BCL2L10: variants seen among roughly 807,000 people sequenced by gnomAD.
The protein encoded by BCL2L10 is bcl-2-like protein 10.
In BCL2L10, 14 loss-of-function variants were observed where a neutral mutation model predicts 11.1. The ratio of observed to expected loss-of-function variants is 1.26; its 90% confidence interval spans 0.83 to 1.96. The LOEUF is 1.96. BCL2L10 is among the 30% of genes most tolerant of loss of function. The pLI is 0.00. For synonymous variants in BCL2L10, 154 were observed against 133.4 expected, an observed-to-expected ratio of 1.15 and a Z score of -1.07; for missense variants, 309 against 273.9, an observed-to-expected ratio of 1.13 and a Z score of -0.90.
intron 1 of BCL2L10, 95 bp downstream of exon 1, chr15:52,112,143 G>T: frequency 7.2e-7 from 1 of 1,392,792 alleles, no homozygotes; most frequent in South Asian, 1.6e-5. Context: ...CTCGTTCCAG[G>T]GGCCTGGCGC....
At chr15:52,111,184 AC>A (rs2033049680) in intron 1 of BCL2L10, among the ~76,000 whole-genome samples, 1 of 146,840 alleles carries the variant, frequency 6.8e-6, no homozygotes, top group Non-Finnish European at 1.5e-5. Flanking sequence ...ACACACACAC[AC>A]ACACACACAC....
rs1340914881 is a variant in BCL2L10, at chr15:52,112,437, ACT to A, written c.288_289del (p.Arg96SerfsTer123). ...CCCTGCGAAGGTCACGAGCGTCACC[ACT>A]CTGCCCCAGGTGGGGCCGGGGCTGT... On this transcript the variant is annotated frameshift_variant, in exon 1 of 2. Transcript: ENST00000260442. LOFTEE classifies it high-confidence loss of function. 1.9e-6 allele frequency: 3 copies of A among 1,605,896 alleles called. No individual in the cohort carries two copies. The East Asian group carries it at 6.7e-5, about 36-fold the overall frequency.
chr15:52,112,680 C>G lies in BCL2L10; in HGVS notation c.47G>C (p.Arg16Pro). 1 of 1,540,638 alleles carries G rather than the reference C, an allele frequency of 6.5e-7. No homozygotes were observed. Among genetic ancestry groups the G allele is most frequent in the Non-Finnish European group, 8.7e-7 (1 of 1,149,574 alleles). The change falls in exon 1 of 2, where the codon CGG (arginine) becomes CCG (proline). Residue 16 changes from arginine to proline, a missense_variant. By Grantham distance (103) the Arg-to-Pro change is moderately radical. Transcript: ENST00000260442. ...GGCCAGCAACAGCTCGGTGCGCTCC[C>G]GCAGCGGGTCGGCCATGGTGGTGCG... ...RERTTMADPL[R>P]ERTELLLADY...
chr15:52,111,488 T>C (rs918839976), intron 1 of BCL2L10, among the ~76,000 whole-genome samples: 11 of 152,162 alleles, frequency 7.2e-5, no homozygotes, highest in Non-Finnish European at 1.3e-4. Context: ...ACTTCAGTCA[T>C]TGAATCAACG....
In BCL2L10 at chr15:52,112,300, C is replaced by A; in HGVS notation, c.427G>T (p.Ala143Ser). 1 of 1,566,898 alleles carries A rather than the reference C, an allele frequency of 6.4e-7. No homozygotes were observed. The highest frequency in any genetic ancestry group is 8.6e-7 in the Non-Finnish European group (1 of 1,163,652). ...DVARDCQRLV[A>S]LLSSRLMGQH... Reference sequence around the variant, plus strand: ...CCCATGAGCCGCGAGCTCAGCAAGGCCACCAGGCGCTGGCAGTCCCGGGCG... The same window carrying A: ...CCCATGAGCCGCGAGCTCAGCAAGGACACCAGGCGCTGGCAGTCCCGGGCG... Residue 143 changes from alanine to serine, a missense_variant, in exon 1 of 2, where the codon GCC (alanine) becomes TCC (serine). By Grantham distance (99) the Ala-to-Ser change is moderately conservative (BLOSUM62 1). Coordinates refer to ENST00000260442, the MANE Select transcript of BCL2L10 (RefSeq NM_020396.4).
chr15:52,112,273 G>A lies in BCL2L10; in HGVS notation c.454C>T (p.Gln152Ter), dbSNP rs1596040499. Residue 152 changes from glutamine to a stop codon, truncating the protein, a stop_gained, in exon 1 of 2, where the codon CAG becomes TAG. Coordinates refer to ENST00000260442, the MANE Select transcript of BCL2L10 (RefSeq NM_020396.4). LOFTEE classifies it low-confidence loss of function (END_TRUNC). ...TGAGCCTGCAGCCAGGCGCGGTGCT[G>A]CCCCATGAGCCGCGAGCTCAGCAAG... is the stretch of plus-strand genomic sequence containing the variant. ...VALLSSRLMG[Q>*]HRAWLQAQGG... 2 of 1,542,534 alleles carry A rather than the reference G, an allele frequency of 1.3e-6. No individual in the cohort carries two copies. The highest frequency in any genetic ancestry group is 1.9e-5 in the Admixed American group (1 of 52,254).
In BCL2L10 at chr15:52,112,325, G is replaced by T. The variant is rs1245760210; in HGVS notation, c.402C>A (p.Val134=). The change falls in exon 1 of 2, where the codon GTC becomes GTA. Residue 134 remains valine (V), a synonymous_variant. Transcript: ENST00000260442. ...CCACCAGGCGCTGGCAGTCCCGGGC[G>T]ACGTCGCCCTCCTGCTCCTTTAGCC... ...QPRLKEQEGD[V]ARDCQRLVAL... is the part of the protein sequence containing the mutation. 1.3e-6 allele frequency: 2 copies of T among 1,585,962 alleles called. No homozygotes were observed. The highest frequency in any genetic ancestry group is 2.3e-5 in the East Asian group (1 of 43,414).
rs749549892 is a variant in BCL2L10 at position 52,109,912 on chromosome 15, AC to A, written c.550del (p.Val184SerfsTer9). ...TAACAAGCATGACAGAAAAGCCTGG[AC>A]CAGCTGTTTTCTCCAAAAAGCCAGT... ...FPLAFWRKQL[V>X]QAFLSCLLTT... On this transcript the variant is annotated frameshift_variant, in exon 2 of 2. Transcript: ENST00000260442. LOFTEE classifies it low-confidence loss of function (END_TRUNC). 3 of 1,613,794 alleles carry A rather than the reference AC, an allele frequency of 1.9e-6. No homozygotes were observed. In the Admixed American group the frequency reaches 5.0e-5, roughly 27 times the overall value.
chr15:52,111,995 C>A (rs1347876679), intron 1 of BCL2L10, among the ~76,000 whole-genome samples: 1 of 152,234 alleles, frequency 6.6e-6, no homozygotes, highest in East Asian at 1.9e-4. Flanking sequence ...CCTAAGCCTG[C>A]GCAGCTGCTT....
chr15:52,109,884 T>C lies in BCL2L10; in HGVS notation c.579A>G (p.Thr193=). Reference sequence around the variant, plus strand: ...GTGTCCAGAGATAAATGAAGGCTGTTGTTAACAAGCATGACAGAAAAGCCT... The same window carrying C: ...GTGTCCAGAGATAAATGAAGGCTGTCGTTAACAAGCATGACAGAAAAGCCT... ...LVQAFLSCLL[T]TAFIYLWTRL... is the part of the protein sequence containing the mutation. Residue 193 remains threonine (T), a synonymous_variant, in exon 2 of 2, where the codon ACA becomes ACG. Transcript: ENST00000260442. 6.2e-7 allele frequency: 1 copy of C among 1,613,988 alleles called. No homozygotes were observed. Among genetic ancestry groups the C allele is most frequent in the Non-Finnish European group, 8.5e-7 (1 of 1,179,902 alleles).
intron 1 of BCL2L10, among the ~76,000 whole-genome samples, chr15:52,110,366 T>C (rs753032759): frequency 1.3e-5 from 2 of 152,100 alleles, no homozygotes; most frequent in Non-Finnish European, 2.9e-5. Context: ...GGAATTGAAC[T>C]CCAGGCTGTG....
rs527652887 is a variant in BCL2L10, at chr15:52,111,912, G to A, written c.489+326C>T. Among the ~76,000 whole-genome samples the A allele has an allele frequency of 2.6e-5, 4 of 152,304 alleles. No individual in the cohort carries two copies. In the East Asian group the frequency reaches 5.8e-4, roughly 22 times the overall value. ...TTGGGGATTTCTATAGGAGCAAAACGTTCAGACCTAACGTGGGTGCCCCCC... is the reference window on the plus strand; with the variant it reads ...TTGGGGATTTCTATAGGAGCAAAACATTCAGACCTAACGTGGGTGCCCCCC... On this transcript the variant is annotated intron_variant, in intron 1 of 1. Transcript: ENST00000260442.
intron 1 of BCL2L10, among the ~76,000 whole-genome samples, chr15:52,111,871 T>C (rs2033061620): frequency 6.6e-6 from 1 of 152,188 alleles, no homozygotes; most frequent in Admixed American, 6.5e-5. Context: ...GGCCCCGCCA[T>C]TGCTGACTTC....
Position 52,112,717 on chromosome 15 carries a change from G to A in BCL2L10, c.10C>T (p.Gln4Ter), listed in dbSNP as rs1320120396. 6.5e-7 allele frequency: 1 copy of A among 1,532,974 alleles called. No individual in the cohort carries two copies. The highest frequency in any genetic ancestry group is 8.7e-7 in the Non-Finnish European group (1 of 1,145,830). The allele number at this position is 1,532,974 out of a possible 1,614,324, so 95.0% of individuals were successfully genotyped here. The change falls in exon 1 of 2, where the codon CAG becomes TAG. Residue 4 changes from glutamine (Q) to a stop codon, truncating the protein, a stop_gained. Transcript: ENST00000260442. LOFTEE classifies it high-confidence loss of function. ...GCCATGGTGGTGCGCTCCCGCAACT[G>A]GTCAACCATGGTCCGGCCTCTGCTG... MVD[Q>*]LRERTTMADP...
At chr15:52,111,537 G>C (rs933358014) in intron 1 of BCL2L10, among the ~76,000 whole-genome samples, 4 of 152,130 alleles carry the variant, frequency 2.6e-5, no homozygotes, top group African/African-American at 7.2e-5. Flanking sequence ...GTCTAGCTCA[G>C]AGCCCCCAGA....
intron 1 of BCL2L10, among the ~76,000 whole-genome samples, chr15:52,111,903 G>A (rs566759411): frequency 6.6e-6 from 1 of 152,194 alleles, no homozygotes; most frequent in Non-Finnish European, 1.5e-5. Context: ...ATTTCTATAG[G>A]AGCAAAACGT....
rs2033031125 is a variant in BCL2L10, at chr15:52,110,067, AGT to A, written c.490-96_490-95del. On this transcript the variant is annotated intron_variant, in intron 1 of 1. Transcript: ENST00000260442. ...ACTTCCAGATTAAACAGCAAAGTAA[AGT>A]TTGGATTTAAAAAGTAAAAGGAAAG... 42 of 1,287,106 alleles carry A rather than the reference AGT, an allele frequency of 3.3e-5. 1 individual carries two copies. The South Asian group carries it at 6.1e-4, about 19-fold the overall frequency. The allele number at this position is 1,287,106 out of a possible 1,614,324, so 79.7% of individuals were successfully genotyped here.
chr15:52,111,738 G>A (rs2033059575), intron 1 of BCL2L10, among the ~76,000 whole-genome samples: 1 of 152,040 alleles, frequency 6.6e-6, no homozygotes, highest in Non-Finnish European at 1.5e-5. Context: ...ACCACTGGGC[G>A]ACCACCACAC....
In BCL2L10 at chr15:52,112,707, T is replaced by C. The variant is rs1176773776; in HGVS notation, c.20A>G (p.Glu7Gly). The change falls in exon 1 of 2, where the codon GAG becomes GGG. Residue 7 changes from glutamate (E) to glycine (G), a missense_variant. By Grantham distance (98) the Glu-to-Gly change is moderately conservative. Transcript: ENST00000260442. MVDQLR[E>G]RTTMADPLRE... The stretch of plus-strand genomic sequence containing the variant: ...CAGCGGGTCGGCCATGGTGGTGCGC[T>C]CCCGCAACTGGTCAACCATGGTCCG... 9 of 1,535,992 alleles carry C rather than the reference T, an allele frequency of 5.9e-6. 1 individual carries two copies. Among genetic ancestry groups the C allele is most frequent in the South Asian group, 4.8e-5 (4 of 84,020 alleles).
Sources: gnomAD v4.1 joint callset for allele counts (sites outside exome capture counted in the v4.1 genomes callset) on GRCh38, gnomAD v4.1.1 for gene constraint, MANE v1.5 for transcripts, NCBI Gene and HGNC (gene_info 2026-07-23, HGNC 2026-07-21) for gene names.